AUTS2: variants seen among roughly 807,000 people sequenced by gnomAD.
AUTS2 encodes the protein autism susceptibility gene 2 protein.
AUTS2 carries 17 observed loss-of-function variants against 112.4 expected under a neutral mutation model. The ratio of observed to expected loss-of-function variants is 0.15; its 90% CI spans 0.10 to 0.23. The LOEUF is 0.23. Ranked by LOEUF, AUTS2 falls within the 10% of genes least tolerant of loss-of-function variation. The pLI, the probability that AUTS2 is intolerant of heterozygous loss-of-function variation, is 1.00. For missense variants in AUTS2, 1,510 were observed against 1,701.6 expected (o/e 0.89, Z 1.98); for synonymous variants, 751 against 702.7 (o/e 1.07, Z -1.09).
At chr7:70,513,011 G>C (rs1799263738) in intron 5 of AUTS2, among the ~76,000 whole-genome samples, 1 of 152,178 alleles carries the variant, frequency 6.6e-6, no homozygotes, top group East Asian at 1.9e-4. Flanking sequence ...AATTATAAAA[G>C]GGGCCTACTC....
chr7:70,570,041 C>T lies in AUTS2; in HGVS notation c.691-128528C>T, dbSNP rs1028697963. On this transcript the variant is annotated intron_variant, in intron 5 of 18. Transcript: ENST00000342771. ...TTCTCAGAAACTCATTTAGGAACCT[C>T]GGATAGGAAGCCGTGTTAGCTGTGC... Among the ~76,000 whole-genome samples the T allele has an allele frequency of 2.6e-5, 4 of 152,098 alleles. No homozygotes were observed. The South Asian group carries it at 6.2e-4, about 24-fold the overall frequency.
At chr7:70,075,064 A>C (rs1025065667) in intron 2 of AUTS2, among the ~76,000 whole-genome samples, 1 of 152,056 alleles carries the variant, frequency 6.6e-6, no homozygotes, top group African/African-American at 2.4e-5. Context: ...ATGACACCTT[A>C]CCCTTGCTCA....
chr7:69,727,722 AT>A (rs1488281549), intron 1 of AUTS2, among the ~76,000 whole-genome samples: 1 of 152,194 alleles, frequency 6.6e-6, no homozygotes, highest in African/African-American at 2.4e-5. Context: ...TGTCTTGTTT[AT>A]CTAGCTTTAT....
At chr7:69,717,208 G>C (rs1717011439) in intron 1 of AUTS2, among the ~76,000 whole-genome samples, 1 of 152,180 alleles carries the variant, frequency 6.6e-6, no homozygotes, top group African/African-American at 2.4e-5. Flanking sequence ...ATGTGCCTTT[G>C]ATTTGGAATG....
chr7:69,793,512 C>G (rs1042399302), intron 1 of AUTS2, among the ~76,000 whole-genome samples: 38 of 152,020 alleles, frequency 2.5e-4, no homozygotes, highest in African/African-American at 7.7e-4. Context: ...TGTCTTTGAA[C>G]AAGTGAAATT....
chr7:69,941,161 A>G (rs1796612073), intron 2 of AUTS2, among the ~76,000 whole-genome samples: 1 of 152,174 alleles, frequency 6.6e-6, no homozygotes, highest in African/African-American at 2.4e-5. Flanking sequence ...GACCCTCTCG[A>G]TGTGGTACCA....
At chr7:70,113,615 G>C (rs1451246152) in intron 2 of AUTS2, among the ~76,000 whole-genome samples, 1 of 152,154 alleles carries the variant, frequency 6.6e-6, no homozygotes, top group East Asian at 1.9e-4. Context: ...CTACTTTGAG[G>C]AATCAAATTT....
chr7:70,695,762 A>AT (rs1052843556), intron 5 of AUTS2, among the ~76,000 whole-genome samples: 5 of 151,988 alleles, frequency 3.3e-5, no homozygotes, highest in African/African-American at 9.7e-5. Flanking sequence ...TTCTAGCAAT[A>AT]TTTTTTTTAC....
At position 70,766,052 on chromosome 7, in the gene AUTS2, G is replaced by A; in HGVS notation, c.1469-62G>A. 4.4e-6 allele frequency: 7 copies of A among 1,573,984 alleles called. No individual in the cohort carries two copies. Among genetic ancestry groups the A allele is most frequent in the Non-Finnish European group, 8.6e-7 (1 of 1,156,756 alleles). On this transcript the variant is annotated intron_variant, in intron 8 of 18. Coordinates refer to ENST00000342771, the MANE Select transcript of AUTS2 (RefSeq NM_015570.4). This position sits in a 1 kb window ranked among gnomAD's most constrained non-coding sequence, Gnocchi z 4.8. ...CCAGCCCCGTACCCCTCCACAGGAA[G>A]GCAGTCCGATGTCCTTTTCTGAAGG...
At position 70,731,765 on chromosome 7, in the gene AUTS2, A is replaced by G. The variant is rs190135370; in HGVS notation, c.743-31105A>G. ...GATCTAACTCTTAATTTGTTGCTCC[A>G]TTTGGTTTCTATTTCCGTTTCTTCC... On this transcript the variant is annotated intron_variant, in intron 6 of 18. Coordinates refer to ENST00000342771, the MANE Select transcript of AUTS2 (RefSeq NM_015570.4). Among the ~76,000 whole-genome samples the G allele has an allele frequency of 2.6e-4, 39 of 151,952 alleles. No individual in the cohort carries two copies. In the East Asian group the frequency reaches 6.2e-3, roughly 24 times the overall value.
intron 4 of AUTS2, among the ~76,000 whole-genome samples, chr7:70,409,343 A>ATGTG (rs200949302): frequency 5.3e-5 from 8 of 149,724 alleles, no homozygotes; most frequent in African/African-American, 1.7e-4. Flanking sequence ...ATATATATAT[A>ATGTG]TGTGTGTGTG....
intron 1 of AUTS2, among the ~76,000 whole-genome samples, chr7:69,669,552 A>G (rs1796219297): frequency 6.6e-6 from 1 of 152,112 alleles, no homozygotes; most frequent in Non-Finnish European, 1.5e-5. Context: ...TTTATGTGTT[A>G]TAAATAACAT....
chr7:70,274,937 T>C (rs1423691047), intron 4 of AUTS2, among the ~76,000 whole-genome samples: 1 of 152,218 alleles, frequency 6.6e-6, no homozygotes, highest in Admixed American at 6.5e-5. Context: ...GATACTTATA[T>C]TCCAATGTTC....
In AUTS2 at chr7:69,789,044, G is replaced by A. The variant is rs186532979; in HGVS notation, c.310-110242G>A. Among the ~76,000 whole-genome samples the A allele has an allele frequency of 1.4e-4, 21 of 152,244 alleles. No homozygotes were observed. The East Asian group carries it at 2.9e-3, about 21-fold the overall frequency. Reference sequence around the variant, plus strand: ...ATTTATGCAAGTCTTTAGGCAAGGAGTATTAAAGAAATTAATGTTTAATGC... The same window carrying A: ...ATTTATGCAAGTCTTTAGGCAAGGAATATTAAAGAAATTAATGTTTAATGC... On this transcript the variant is annotated intron_variant, in intron 1 of 18. Coordinates refer to ENST00000342771, the MANE Select transcript of AUTS2 (RefSeq NM_015570.4).
At chr7:70,781,497 AGT>A (rs1491279128) in intron 14 of AUTS2, 116 bp from the exon 15 acceptor site, 63 of 1,252,582 alleles carry the variant, frequency 5.0e-5, no homozygotes, top group Non-Finnish European at 4.4e-6. Context: ...TTTCTCTCAC[AGT>A]GTTTGTAAAC....
At chr7:69,805,767 A>G (rs1182061958) in intron 1 of AUTS2, among the ~76,000 whole-genome samples, 2 of 152,198 alleles carry the variant, frequency 1.3e-5, no homozygotes, top group Admixed American at 6.5e-5. Flanking sequence ...GAAGATGTAT[A>G]TTGTGATGTC....
intron 4 of AUTS2, among the ~76,000 whole-genome samples, chr7:70,139,206 A>G (rs888661953): frequency 1.3e-5 from 2 of 152,166 alleles, no homozygotes; most frequent in East Asian, 1.9e-4. Flanking sequence ...GGCTCAAGCT[A>G]TCTACCCACC....
chr7:69,814,738 T>C (rs1790685211), intron 1 of AUTS2, among the ~76,000 whole-genome samples: 1 of 152,252 alleles, frequency 6.6e-6, no homozygotes, highest in African/African-American at 2.4e-5. Context: ...GCACAGCGTG[T>C]GCCCAGCGGT....
chr7:70,375,626 T>C (rs1056551521), intron 4 of AUTS2, among the ~76,000 whole-genome samples: 1 of 152,206 alleles, frequency 6.6e-6, no homozygotes, highest in Non-Finnish European at 1.5e-5. Flanking sequence ...ACATTTTAGC[T>C]TAAGAAAGTA....
Sources: allele counts gnomAD v4.1 joint callset (sites outside exome capture counted in the v4.1 genomes callset), GRCh38; gene constraint gnomAD v4.1.1; non-coding constraint Gnocchi (gnomAD v3.1); transcripts MANE v1.5; gene names NCBI Gene and HGNC (gene_info 2026-07-23, HGNC 2026-07-21).